Variants in FBXO34 observed in about 807,000 individuals in gnomAD.
FBXO34 encodes F-box protein 34, also known as F-box only protein 34.
A neutral mutation model predicts 24.5 loss-of-function variants in FBXO34; 12 were observed. That is an observed-to-expected ratio of 0.49 (90% confidence interval 0.31 to 0.79). The LOEUF is 0.79. Ranked by LOEUF, FBXO34 falls within the 30% of genes least tolerant of loss-of-function variation. FBXO34 has a pLI of 0.04. For missense variants in FBXO34, 823 were observed against 857.7 expected, an observed-to-expected ratio of 0.96 and a Z score of 0.51; for synonymous variants, 320 against 311.9, an observed-to-expected ratio of 1.03 and a Z score of -0.27.
the FBXO34 span, among the ~76,000 whole-genome samples, chr14:55,426,018 A>G: frequency 6.6e-6 from 1 of 152,208 alleles, no homozygotes. Flanking sequence ...CTGTAATCCT[A>G]GTACTTGGGA....
At chr14:55,382,264 A>T in the FBXO34 span, 9 of 1,345,084 alleles carry the variant, frequency 6.7e-6, no homozygotes, top group East Asian at 2.1e-4. Context: ...ACTGCAAGAC[A>T]TGCTAGAACA....
chr14:55,322,475 T>G (rs536004301), intron 1 of FBXO34, among the ~76,000 whole-genome samples: 13 of 152,258 alleles, frequency 8.5e-5, no homozygotes, highest in Admixed American at 7.8e-4. Context: ...AGTAACTGAT[T>G]TAATGTCATG....
downstream of FBXO34, chr14:55,369,298 G>A (rs1407076945): frequency 3.0e-5 from 6 of 201,546 alleles, no homozygotes; most frequent in Non-Finnish European, 5.0e-5. Flanking sequence ...TGGGCCCGGT[G>A]GCCCGGGCCC....
intron 1 of FBXO34, among the ~76,000 whole-genome samples, chr14:55,338,929 A>G (rs1243195750): frequency 2.0e-5 from 3 of 151,702 alleles, no homozygotes; most frequent in Non-Finnish European, 2.9e-5. Context: ...AACAAAAAAA[A>G]AAAAGCCAAA....
chr14:55,310,601 T>G (rs577212543), intron 1 of FBXO34, among the ~76,000 whole-genome samples: 1 of 152,292 alleles, frequency 6.6e-6, no homozygotes, highest in East Asian at 1.9e-4. Flanking sequence ...TCTTTTAGAT[T>G]AGGGTTTCTT....
chr14:55,357,172 T>A (rs1884534762), downstream of FBXO34, among the ~76,000 whole-genome samples: 1 of 152,198 alleles, frequency 6.6e-6, no homozygotes, highest in Non-Finnish European at 1.5e-5. Flanking sequence ...TAACATCCAG[T>A]GCATTTATAC....
At chr14:55,377,832 C>A in the FBXO34 span, 1 of 1,584,372 alleles carries the variant, frequency 6.3e-7, no homozygotes, top group South Asian at 1.2e-5. Flanking sequence ...CCTAGGTGTT[C>A]AGAGCTTGGA....
At chr14:55,419,789 A>G in the FBXO34 span, among the ~76,000 whole-genome samples, 1 of 152,350 alleles carries the variant, frequency 6.6e-6, no homozygotes, top group African/African-American at 2.4e-5. Flanking sequence ...GGGCATTGGC[A>G]TTCTACAGTT....
At chr14:55,298,778 C>G (rs1012337554) in intron 1 of FBXO34, 6 of 1,589,562 alleles carry the variant, frequency 3.8e-6, no homozygotes, top group South Asian at 1.1e-5. Flanking sequence ...AGCAGAGGCA[C>G]GGCACCAAAA....
chr14:55,351,889 G>A lies in FBXO34; in HGVS notation c.1499G>A (p.Ser500Asn), dbSNP rs374893735. ...HLSDYSQLNE[S>N]TTKESSEASQ... ...TCAGACTATTCCCAGTTGAATGAAAGCACAACAAAAGAGTCTTCAGAGGCC... is the reference window on the plus strand; with the variant it reads ...TCAGACTATTCCCAGTTGAATGAAAACACAACAAAAGAGTCTTCAGAGGCC... Residue 500 changes from serine to asparagine, a missense_variant, in exon 2 of 2, where the codon AGC becomes AAC. Ser to Asn is a conservative substitution (Grantham distance 46, BLOSUM62 1). Around this residue, in one of 2 missense-constraint regions of FBXO34, gnomAD observed 693 missense variants for 659.1 expected, o/e 1.05. Coordinates refer to ENST00000313833, the MANE Select transcript of FBXO34 (RefSeq NM_017943.4). 2.5e-6 allele frequency: 4 copies of A among 1,614,138 alleles called. 1 individual carries two copies. The highest frequency in any genetic ancestry group is 8.5e-7 in the Non-Finnish European group (1 of 1,180,034).
downstream of FBXO34, among the ~76,000 whole-genome samples, chr14:55,375,042 C>G (rs1450834802): frequency 6.6e-6 from 1 of 152,178 alleles, no homozygotes; most frequent in Non-Finnish European, 1.5e-5. Flanking sequence ...TGAGAAGTAG[C>G]CCTTTTGCAA....
intron 1 of FBXO34, among the ~76,000 whole-genome samples, chr14:55,330,609 C>T (rs1190236019): frequency 6.6e-6 from 1 of 151,750 alleles, no homozygotes; most frequent in Non-Finnish European, 1.5e-5. Context: ...CATAGTGAGA[C>T]ATCTCTACAA....
At chr14:55,345,130 T>A (rs1884117665) in intron 1 of FBXO34, among the ~76,000 whole-genome samples, 1 of 151,930 alleles carries the variant, frequency 6.6e-6, no homozygotes, top group South Asian at 2.1e-4. Context: ...ACCCCAACAT[T>A]TATTAAAGTG....
the FBXO34 span, among the ~76,000 whole-genome samples, chr14:55,421,856 C>T: frequency 6.6e-6 from 1 of 152,296 alleles, no homozygotes; most frequent in East Asian, 1.9e-4. Context: ...ACAGACATGT[C>T]ATTTTGCTGG....
rs576637233 is a variant in FBXO34 at position 55,310,519 on chromosome 14, G to A, written c.-11+38982G>A. Reference sequence around the variant, plus strand: ...GGATAATTTTTGGCCTCATTAGGAAGAATGAAGATGAGAAATGTAGACTAT... The same window carrying A: ...GGATAATTTTTGGCCTCATTAGGAAAAATGAAGATGAGAAATGTAGACTAT... On this transcript the variant is annotated intron_variant, in intron 1 of 1. Transcript: ENST00000313833. Among the ~76,000 whole-genome samples, 19 of 152,306 alleles carry A rather than the reference G, an allele frequency of 1.2e-4. No homozygotes were observed. In the South Asian group the frequency reaches 3.9e-3, roughly 32 times the overall value.
At chr14:55,378,946 G>T in the FBXO34 span, among the ~76,000 whole-genome samples, 1 of 152,002 alleles carries the variant, frequency 6.6e-6, no homozygotes, top group Admixed American at 6.6e-5. Context: ...GAGCTCAAGT[G>T]ATCCTCCTGC....
intron 1 of FBXO34, among the ~76,000 whole-genome samples, chr14:55,321,291 C>G (rs1300799721): frequency 6.6e-6 from 1 of 152,002 alleles, no homozygotes; most frequent in African/African-American, 2.4e-5. Flanking sequence ...ATGGCACGTG[C>G]TTTACACATC....
downstream of FBXO34, among the ~76,000 whole-genome samples, chr14:55,374,879 C>G (rs1441527389): frequency 6.6e-6 from 1 of 152,202 alleles, no homozygotes; most frequent in Non-Finnish European, 1.5e-5. Flanking sequence ...TGCATGCTAA[C>G]AGCACTCTGT....
At chr14:55,410,826 T>C in the FBXO34 span, among the ~76,000 whole-genome samples, 1 of 152,230 alleles carries the variant, frequency 6.6e-6, no homozygotes, top group African/African-American at 2.4e-5. Context: ...TCATTGACTA[T>C]CATTGACACT....
Sources: gnomAD v4.1 joint callset for allele counts (sites outside exome capture counted in the v4.1 genomes callset) on GRCh38, gnomAD v4.1.1 for gene constraint, gnomAD v4.1.1 regional missense constraint, MANE v1.5 for transcripts, NCBI Gene and HGNC (gene_info 2026-07-23, HGNC 2026-07-21) for gene names.